Variants in SLC22A2 observed in about 807,000 individuals in gnomAD.
SLC22A2 encodes solute carrier family 22 member 2, also known as organic cation transporter 2.
In SLC22A2, 46 loss-of-function variants were observed where a neutral mutation model predicts 60.5. The observed-to-expected ratio is 0.76, with a 90% CI of 0.60 to 0.97. The LOEUF (loss-of-function observed/expected upper bound fraction) is 0.97. SLC22A2 is among the 50% of genes least tolerant of loss of function. SLC22A2 has a pLI of 0.00. For synonymous variants in SLC22A2, 303 were observed against 267.0 expected, an observed-to-expected ratio of 1.13 and a Z score of -1.31; for missense variants, 701 against 706.6, an observed-to-expected ratio of 0.99 and a Z score of 0.09.
At chr6:160,227,043 C>CA (rs1456402495) in intron 9 of SLC22A2, among the ~76,000 whole-genome samples, 1 of 152,096 alleles carries the variant, frequency 6.6e-6, no homozygotes, top group Non-Finnish European at 1.5e-5. Flanking sequence ...TATTTTACCC[C>CA]AAAATATATT....
intron 10 of SLC22A2, among the ~76,000 whole-genome samples, chr6:160,219,751 T>C (rs568738222): frequency 6.0e-4 from 91 of 152,324 alleles, no homozygotes; most frequent in African/African-American, 2.1e-3. Context: ...AGTTTTACCA[T>C]AAAGTGAATC....
chr6:160,242,573 A>G (rs187045670), intron 7 of SLC22A2, among the ~76,000 whole-genome samples, 171 bp from the exon 8 acceptor site: 3 of 152,292 alleles, frequency 2.0e-5, no homozygotes, highest in African/African-American at 7.2e-5. Flanking sequence ...ACGTTTGTTC[A>G]TCTTAACCTC....
chr6:160,245,608 G>A, intron 5 of SLC22A2, 63 bp from the exon 6 acceptor site: 1 of 961,884 alleles, frequency 1.0e-6, no homozygotes, highest in Admixed American at 2.4e-5. Context: ...GGGTCACATA[G>A]GGAATAACAA....
Position 160,237,813 on chromosome 6 carries a change from G to C in SLC22A2, c.1501+3661C>G, listed in dbSNP as rs553937985. 1.2e-4 allele frequency among the ~76,000 whole-genome samples: 19 copies of C among 152,260 alleles called. No homozygotes were observed. The South Asian group carries it at 1.9e-3, about 15-fold the overall frequency. Reference sequence around the variant, plus strand: ...GTTGGCACAAGATACAGGTCATAAAGACCTTGCTGATCAAACAGGCTGCAA... The same window carrying C: ...GTTGGCACAAGATACAGGTCATAAACACCTTGCTGATCAAACAGGCTGCAA... On this transcript the variant is annotated intron_variant, in intron 9 of 10. Coordinates refer to ENST00000366953, the MANE Select transcript of SLC22A2 (RefSeq NM_003058.4).
At chr6:160,219,503 T>C (rs546442336) in intron 10 of SLC22A2, among the ~76,000 whole-genome samples, 1 of 150,742 alleles carries the variant, frequency 6.6e-6, no homozygotes, top group Non-Finnish European at 1.5e-5. Context: ...GTGAGACAAA[T>C]TCATGGGCCA....
intron 9 of SLC22A2, among the ~76,000 whole-genome samples, chr6:160,226,232 C>A (rs878858110): frequency 6.6e-6 from 1 of 152,168 alleles, no homozygotes; most frequent in Admixed American, 6.5e-5. Flanking sequence ...TATGATTTCA[C>A]CCCTGACCAA....
rs1213591977 is a variant in SLC22A2, at chr6:160,256,658, T to C, written c.474A>G (p.Val158=). 5 of 1,614,110 alleles carry C rather than the reference T, an allele frequency of 3.1e-6. No individual in the cohort carries two copies. The highest frequency in any genetic ancestry group is 1.6e-4 in the Middle Eastern group (1 of 6,062). The part of the protein sequence containing the change: ...MLDLFQSSVN[V]GFFIGSMSIG... Reference sequence around the variant, plus strand: ...TACTCATAGAGCCAATAAAGAATCCTACATTCACTGATGACTGGAATAGGT... The same window carrying C: ...TACTCATAGAGCCAATAAAGAATCCCACATTCACTGATGACTGGAATAGGT... The change falls in exon 2 of 11, where the codon GTA becomes GTG. Residue 158 remains valine (V), a synonymous_variant. Transcript: ENST00000366953.
chr6:160,239,357 C>T (rs1221729739), intron 9 of SLC22A2, among the ~76,000 whole-genome samples: 1 of 152,232 alleles, frequency 6.6e-6, no homozygotes, highest in African/African-American at 2.4e-5. Context: ...CTCAACTGAG[C>T]AGCCCATGCT....
chr6:160,246,568 G>A (rs316022), intron 5 of SLC22A2, among the ~76,000 whole-genome samples: 105,504 of 151,772 alleles, frequency 0.7, 38,622 homozygotes, highest in Admixed American at 0.82. Flanking sequence ...CCAACATGGC[G>A]AAACTCTGTC....
chr6:160,256,902 CT>C (rs1258873287), intron 1 of SLC22A2, among the ~76,000 whole-genome samples, 185 bp from the exon 2 acceptor site: 1,608 of 130,832 alleles, frequency 0.012, 13 homozygotes, highest in African/African-American at 0.047. Context: ...CTCTCTCTCT[CT>C]TTTTTTTTTT....
At chr6:160,245,276 C>A (rs533406839) in intron 6 of SLC22A2, 163 bp downstream of exon 6, 2 of 501,732 alleles carry the variant, frequency 4.0e-6, no homozygotes, top group South Asian at 6.5e-5. Context: ...TTAATATTTG[C>A]CCAAGAAAAA....
chr6:160,257,512 G>A (rs948668578), intron 1 of SLC22A2, among the ~76,000 whole-genome samples: 1 of 152,128 alleles, frequency 6.6e-6, no homozygotes, highest in Non-Finnish European at 1.5e-5. Context: ...CCATGTGAGA[G>A]AGCCTCGGAG....
At chr6:160,227,171 G>A (rs1341692536) in intron 9 of SLC22A2, among the ~76,000 whole-genome samples, 3 of 152,124 alleles carry the variant, frequency 2.0e-5, no homozygotes, top group Non-Finnish European at 4.4e-5. Context: ...TCCCAATCCT[G>A]AAGAGATTAA....
intron 1 of SLC22A2, among the ~76,000 whole-genome samples, chr6:160,257,408 A>T (rs1282703235): frequency 6.6e-6 from 1 of 152,128 alleles, no homozygotes; most frequent in Non-Finnish European, 1.5e-5. Context: ...TTTTAGGGCT[A>T]ACCCTGCTAA....
chr6:160,240,859 G>A (rs528507441), intron 9 of SLC22A2, among the ~76,000 whole-genome samples: 2 of 152,348 alleles, frequency 1.3e-5, no homozygotes, highest in Admixed American at 1.3e-4. Flanking sequence ...AGAAGGCTCA[G>A]TGCTGGTGTG....
At chr6:160,239,488 T>G (rs1782964740) in intron 9 of SLC22A2, among the ~76,000 whole-genome samples, 1 of 152,190 alleles carries the variant, frequency 6.6e-6, no homozygotes, top group Non-Finnish European at 1.5e-5. Context: ...AACCCCCTCT[T>G]GGGGTCTGGG....
At chr6:160,224,955 C>T in intron 9 of SLC22A2, 151 bp from the exon 10 acceptor site, 2 of 463,706 alleles carry the variant, frequency 4.3e-6, no homozygotes, top group Non-Finnish European at 7.6e-6. Context: ...CTGTATTTTC[C>T]ATTATAAATA....
At chr6:160,254,144 G>T (rs1783231257) in intron 2 of SLC22A2, among the ~76,000 whole-genome samples, 1 of 152,128 alleles carries the variant, frequency 6.6e-6, no homozygotes, top group Non-Finnish European at 1.5e-5. Flanking sequence ...TGGGCATGGT[G>T]GTAGGCGCCT....
At chr6:160,237,256 T>C (rs2114859938) in intron 9 of SLC22A2, among the ~76,000 whole-genome samples, 1 of 152,316 alleles carries the variant, frequency 6.6e-6, no homozygotes, top group East Asian at 1.9e-4. Flanking sequence ...AGTGACCCCA[T>C]ATCAGCATGG....
Sources: gnomAD v4.1 joint callset for allele counts (sites outside exome capture counted in the v4.1 genomes callset) on GRCh38, gnomAD v4.1.1 for gene constraint, MANE v1.5 for transcripts, NCBI Gene and HGNC (gene_info 2026-07-23, HGNC 2026-07-21) for gene names.